The following MX1 variants were observed in gnomAD, a reference collection of about 807,000 sequenced individuals.
The protein encoded by MX1 is MX dynamin like GTPase 1.
Under a neutral mutation model 66.4 loss-of-function variants are expected in MX1, and 66 were observed. The observed-to-expected ratio is 0.99, with a 90% CI of 0.82 to 1.22. MX1 has a LOEUF of 1.22. MX1 is among the 50% of genes most tolerant of loss of function. MX1 has a pLI of 0.00. For missense variants in MX1, 787 were observed against 834.3 expected, an observed-to-expected ratio of 0.94 and a Z score of 0.70; for synonymous variants, 311 against 318.1, an observed-to-expected ratio of 0.98 and a Z score of 0.24.
At chr21:41,443,888 G>T in intron 11 of MX1, 22 bp downstream of exon 11, 2 of 1,612,096 alleles carry the variant, frequency 1.2e-6, no homozygotes, top group Non-Finnish European at 8.5e-7. Context: ...CAGAGCTGTG[G>T]GTTCTCTAAA....
chr21:41,427,749 C>T lies in MX1; in HGVS notation c.-209-6C>T, dbSNP rs2090101166. On this transcript the variant is annotated splice_polypyrimidine_tract_variant and splice_region_variant and intron_variant, in intron 2 of 16. Coordinates refer to ENST00000398598, the MANE Select transcript of MX1 (RefSeq NM_002462.5). ...ACCCTGGATGCCACCTTTACCCTCA[C>T]TGCAGGAATTCTGTGGCCACACTGC... 6.6e-6 allele frequency: 1 copy of T among 152,322 alleles called. No individual in the cohort carries two copies. The highest frequency in any genetic ancestry group is 2.4e-5 in the African/African-American group (1 of 41,424). The allele number at this position is 152,322 out of a possible 1,614,324, so 9.4% of individuals were successfully genotyped here. A position where few individuals can be genotyped will look rare whatever the true frequency, so the allele number is the denominator to read the frequency against.
At chr21:41,440,398 T>C (rs961124439) in intron 8 of MX1, among the ~76,000 whole-genome samples, 4 of 152,082 alleles carry the variant, frequency 2.6e-5, no homozygotes, top group Admixed American at 2.0e-4. Flanking sequence ...ACTAGGAGGA[T>C]TGCTTGAACC....
At chr21:41,454,316 G>T (rs373768101) in intron 16 of MX1, among the ~76,000 whole-genome samples, 53 of 152,286 alleles carry the variant, frequency 3.5e-4, no homozygotes, top group African/African-American at 1.3e-3. Context: ...GGTTTGTGGG[G>T]TGTGTGTGAC....
chr21:41,439,624 G>T, intron 7 of MX1, 70 bp from the exon 8 acceptor site: 1 of 1,431,382 alleles, frequency 7.0e-7, no homozygotes, highest in South Asian at 1.2e-5. Flanking sequence ...TGCTTTCAGA[G>T]TATTCACCAT....
At chr21:41,450,973 C>A in intron 14 of MX1, 194 bp from the exon 15 acceptor site, 1 of 389,242 alleles carries the variant, frequency 2.6e-6, no homozygotes, top group Admixed American at 4.2e-5. Flanking sequence ...TGCCAGGGGT[C>A]ATTTGCTTTT....
intron 7 of MX1, among the ~76,000 whole-genome samples, chr21:41,439,015 T>C (rs1442151420): frequency 6.6e-6 from 1 of 152,080 alleles, no homozygotes; most frequent in Non-Finnish European, 1.5e-5. Flanking sequence ...ACATGGCCCA[T>C]TGGCCAGAAC....
At chr21:41,426,998 G>T (rs1379986088) in intron 1 of MX1, 1 of 152,276 alleles carries the variant, frequency 6.6e-6, no homozygotes, top group East Asian at 1.9e-4. Flanking sequence ...GAAGGAGCCC[G>T]GGCACAGCTG....
chr21:41,431,879 A>T, intron 4 of MX1, 171 bp from the exon 5 acceptor site: 1 of 572,974 alleles, frequency 1.7e-6, no homozygotes, highest in South Asian at 2.1e-5. Context: ...ATAAAAAGCC[A>T]GTGAGCACAC....
chr21:41,424,513 T>G (rs2090026991), upstream of MX1, among the ~76,000 whole-genome samples: 1 of 152,058 alleles, frequency 6.6e-6, no homozygotes, highest in African/African-American at 2.4e-5. Flanking sequence ...GGCCTTGAGG[T>G]TGGTTGGGGG....
intron 4 of MX1, among the ~76,000 whole-genome samples, chr21:41,431,333 G>A (rs989237459): frequency 1.3e-5 from 2 of 152,098 alleles, no homozygotes; most frequent in African/African-American, 2.4e-5. Flanking sequence ...GCCTTTAAAT[G>A]TAAACTTTTT....
Position 41,458,999 on chromosome 21 carries a change from G to A in MX1, c.*241G>A, listed in dbSNP as rs987076468. 4 of 658,770 alleles carry A rather than the reference G, an allele frequency of 6.1e-6. No homozygotes were observed. Among genetic ancestry groups the A allele is most frequent in the African/African-American group, 1.8e-5 (1 of 54,964 alleles). The allele number at this position is 658,770 out of a possible 1,614,324, so 40.8% of individuals were successfully genotyped here. ...ATTGAAGGATGCTGTCTTCGTACTG[G>A]GAAAGGGATTTTCAGCCCTCAGAAT... On this transcript the variant is annotated 3_prime_UTR_variant, in exon 17 of 17. Coordinates refer to ENST00000398598, the MANE Select transcript of MX1 (RefSeq NM_002462.5).
At position 41,441,544 on chromosome 21, in the gene MX1, G is replaced by T; in HGVS notation, c.731-172G>T. On this transcript the variant is annotated intron_variant, in intron 9 of 16. Coordinates refer to ENST00000398598, the MANE Select transcript of MX1 (RefSeq NM_002462.5). This position sits in a 1 kb window ranked among gnomAD's most constrained non-coding sequence, Gnocchi z 4.0. Reference sequence around the variant, plus strand: ...CCCTGCCTTCACGCGGCTTGTCGTGGAGTTCTTTTCTGGAGCGGGGCTCCA... The same window carrying T: ...CCCTGCCTTCACGCGGCTTGTCGTGTAGTTCTTTTCTGGAGCGGGGCTCCA... 1 of 665,332 alleles carries T rather than the reference G, an allele frequency of 1.5e-6. No individual in the cohort carries two copies. The highest frequency in any genetic ancestry group is 2.6e-6 in the Non-Finnish European group (1 of 379,736). The allele number at this position is 665,332 out of a possible 1,614,324, so 41.2% of individuals were successfully genotyped here.
chr21:41,456,510 A>G (rs1158240820), intron 16 of MX1, among the ~76,000 whole-genome samples: 1 of 152,102 alleles, frequency 6.6e-6, no homozygotes, highest in East Asian at 1.9e-4. Flanking sequence ...ATCATTGAGA[A>G]TGGTCTCCTT....
In MX1 at chr21:41,452,860, C is replaced by A. The variant is rs1306699883; in HGVS notation, c.1749C>A (p.Ala583=). 6.2e-7 allele frequency: 1 copy of A among 1,614,050 alleles called. No individual in the cohort carries two copies. Among genetic ancestry groups the A allele is most frequent in the South Asian group, 1.1e-5 (1 of 91,080 alleles). ...SMEEIFQHLM[A]YHQEASKRIS... ...AGGAGATCTTTCAGCACCTGATGGC[C>A]TATCACCAGGTACGTCTTCGCGTGG... The change falls in exon 16 of 17, where the codon GCC becomes GCA. Residue 583 remains alanine, a synonymous_variant. Coordinates refer to ENST00000398598, the MANE Select transcript of MX1 (RefSeq NM_002462.5).
At chr21:41,450,244 G>T (rs1240469663) in intron 14 of MX1, among the ~76,000 whole-genome samples, 1 of 152,104 alleles carries the variant, frequency 6.6e-6, no homozygotes, top group African/African-American at 2.4e-5. Flanking sequence ...AGGAATCTAG[G>T]TGTGTCACGG....
chr21:41,440,372 C>T (rs769268759), intron 8 of MX1, among the ~76,000 whole-genome samples: 12 of 152,136 alleles, frequency 7.9e-5, no homozygotes, highest in Admixed American at 1.3e-4. Context: ...GGTATGGTGG[C>T]GTGCACCTGT....
At chr21:41,451,083 C>G in intron 14 of MX1, 84 bp from the exon 15 acceptor site, 1 of 907,018 alleles carries the variant, frequency 1.1e-6, no homozygotes, top group Non-Finnish European at 1.8e-6. Context: ...TACTTCATAC[C>G]ATTTGATCCT....
intron 3 of MX1, chr21:41,429,237 C>T (rs2090146015): frequency 6.6e-6 from 1 of 152,188 alleles, no homozygotes; most frequent in Non-Finnish European, 1.5e-5. Flanking sequence ...ATTGCCCTGC[C>T]CCTGAAATCC....
intron 5 of MX1, 69 bp from the exon 6 acceptor site, chr21:41,435,768 A>C: frequency 6.5e-7 from 1 of 1,530,790 alleles, no homozygotes; most frequent in South Asian, 1.2e-5. Context: ...GGGTAGGGAC[A>C]CAGAACCAAA....
Sources: allele counts gnomAD v4.1 joint callset (sites outside exome capture counted in the v4.1 genomes callset), GRCh38; gene constraint gnomAD v4.1.1; non-coding constraint Gnocchi (gnomAD v3.1); transcripts MANE v1.5; gene names NCBI Gene and HGNC (gene_info 2026-07-23, HGNC 2026-07-21).